The following SLC35D1 variants were observed in gnomAD, a reference collection of about 807,000 sequenced individuals.
SLC35D1 encodes the protein solute carrier family 35 member D1, also known as nucleotide sugar transporter SLC35D1.
Under a neutral mutation model 46.7 loss-of-function variants are expected in SLC35D1, and 31 were observed. The ratio of observed to expected loss-of-function variants is 0.66; its 90% CI spans 0.50 to 0.90. The LOEUF is 0.90. Among genes scored for constraint, SLC35D1 ranks in the 40% least tolerant of loss-of-function variants. The pLI, the probability that SLC35D1 is intolerant of heterozygous loss-of-function variation, is 0.00. For missense variants in SLC35D1, 397 were observed against 426.2 expected (o/e 0.93, Z 0.60); for synonymous variants, 195 against 164.6 (o/e 1.18, Z -1.41).
downstream of SLC35D1, among the ~76,000 whole-genome samples, chr1:66,996,060 C>T (rs1667235825): frequency 6.6e-6 from 1 of 152,206 alleles, no homozygotes; most frequent in African/African-American, 2.4e-5. Context: ...TGGACAAATT[C>T]CTTAGCCTGG....
At chr1:67,052,909 G>T in intron 2 of SLC35D1, 47 bp downstream of exon 2, 2 of 1,613,908 alleles carry the variant, frequency 1.2e-6, no homozygotes, top group Non-Finnish European at 1.7e-6. Flanking sequence ...GACACACACA[G>T]AAGTTCTAAC....
chr1:67,042,420 A>G (rs189216036), intron 7 of SLC35D1, 92 bp from the exon 8 acceptor site: 137 of 987,288 alleles, frequency 1.4e-4, no homozygotes, highest in Admixed American at 1.3e-3. Flanking sequence ...ACATAAATAC[A>G]CAAACACACA....
intron 10 of SLC35D1, among the ~76,000 whole-genome samples, chr1:67,010,895 A>G (rs893451301): frequency 7.6e-5 from 10 of 132,410 alleles, no homozygotes; most frequent in Non-Finnish European, 1.5e-4. Context: ...AGGGAAATTT[A>G]CATTTGTAGA....
chr1:67,051,883 G>A, intron 4 of SLC35D1, 129 bp downstream of exon 4: 1 of 666,504 alleles, frequency 1.5e-6, no homozygotes, highest in Non-Finnish European at 2.7e-6. Flanking sequence ...TTATTTAGTA[G>A]TAATAGAAGC....
intron 8 of SLC35D1, among the ~76,000 whole-genome samples, chr1:67,039,995 AT>A (rs11300562): frequency 0.15 from 20,827 of 139,946 alleles, 2,507 homozygotes; most frequent in African/African-American, 0.36. Context: ...TTACATCACA[AT>A]TTTTTTTTTT....
At chr1:67,021,461 G>T in intron 9 of SLC35D1, 74 bp downstream of exon 9, 1 of 1,473,966 alleles carries the variant, frequency 6.8e-7, no homozygotes. Flanking sequence ...AAGATATTGA[G>T]AAAAGAGGCA....
At chr1:66,977,428 G>GA in the SLC35D1 span, among the ~76,000 whole-genome samples, 4 of 151,200 alleles carry the variant, frequency 2.6e-5, no homozygotes, top group Non-Finnish European at 5.9e-5. Flanking sequence ...TTTTATAGAG[G>GA]AAAAAAAACA....
intron 8 of SLC35D1, among the ~76,000 whole-genome samples, chr1:67,031,621 A>C (rs1668019852): frequency 6.6e-6 from 1 of 152,158 alleles, no homozygotes; most frequent in African/African-American, 2.4e-5. Context: ...GTGGTTACCA[A>C]TCAGTGAGTC....
At chr1:66,993,144 G>A in the SLC35D1 span, among the ~76,000 whole-genome samples, 7 of 152,290 alleles carry the variant, frequency 4.6e-5, no homozygotes, top group African/African-American at 1.7e-4. Flanking sequence ...CTAGAAAAGA[G>A]AAATTCCCCC....
chr1:67,021,139 G>A (rs1324831499), intron 9 of SLC35D1, among the ~76,000 whole-genome samples: 1 of 152,130 alleles, frequency 6.6e-6, no homozygotes, highest in Non-Finnish European at 1.5e-5. Context: ...TCTCCTATGA[G>A]GAAGAAAACA....
At chr1:66,979,620 AT>A in the SLC35D1 span, among the ~76,000 whole-genome samples, 1 of 152,186 alleles carries the variant, frequency 6.6e-6, no homozygotes, top group South Asian at 2.1e-4. Flanking sequence ...GGTTTGTCTG[AT>A]TCTGCCCTTT....
At chr1:66,997,748 A>T (rs1667258132), downstream of SLC35D1, among the ~76,000 whole-genome samples, 1 of 146,712 alleles carries the variant, frequency 6.8e-6, no homozygotes, top group Non-Finnish European at 1.5e-5. Context: ...AAAGCTGTTA[A>T]ATATATATAT....
At chr1:67,025,839 C>G (rs1011064375) in intron 8 of SLC35D1, among the ~76,000 whole-genome samples, 8 of 152,148 alleles carry the variant, frequency 5.3e-5, no homozygotes, top group Non-Finnish European at 1.2e-4. Context: ...TTTTACTTAG[C>G]TTCCAAGTGT....
In SLC35D1 at chr1:67,021,722, CAG is replaced by C. The variant is rs58740910; in HGVS notation, c.730-122_730-121del. On this transcript the variant is annotated intron_variant, in intron 8 of 11. Transcript: ENST00000235345. The stretch of plus-strand genomic sequence containing the variant: ...ACAGACACAGACACAGACACAGACA[CAG>C]ACACACACACACACACACACACACA... The C allele has an allele frequency of 6.6e-3, 3,043 of 462,490 alleles. 6 individuals carry two copies. The highest frequency in any genetic ancestry group is 0.016 in the African/African-American group (333 of 21,070). The allele number at this position is 462,490 out of a possible 1,614,324, so 28.6% of individuals were successfully genotyped here. A position where few individuals can be genotyped will look rare whatever the true frequency, so the allele number is the denominator to read the frequency against.
chr1:67,012,003 G>A (rs1667575391), intron 10 of SLC35D1, among the ~76,000 whole-genome samples: 1 of 152,156 alleles, frequency 6.6e-6, no homozygotes, highest in South Asian at 2.1e-4. Flanking sequence ...GCCCTTGAAA[G>A]TTTGACTTCT....
chr1:67,031,935 AG>A (rs1214353732), intron 8 of SLC35D1: 3 of 497,306 alleles, frequency 6.0e-6, no homozygotes, highest in Non-Finnish European at 7.8e-6. Flanking sequence ...TTTGTTAATC[AG>A]GAAAAAAACA....
At chr1:67,011,242 G>C (rs1477069479) in intron 10 of SLC35D1, among the ~76,000 whole-genome samples, 1 of 152,054 alleles carries the variant, frequency 6.6e-6, no homozygotes, top group Non-Finnish European at 1.5e-5. Context: ...TCTTTTACTA[G>C]TCTGTCTTTT....
intron 10 of SLC35D1, among the ~76,000 whole-genome samples, chr1:67,020,126 CT>C (rs1325675227): frequency 6.6e-6 from 1 of 152,186 alleles, no homozygotes; most frequent in Non-Finnish European, 1.5e-5. Flanking sequence ...ATTCCTTCCT[CT>C]ATTCAGATAA....
the SLC35D1 span, chr1:66,976,485 T>C: frequency 2.1e-6 from 2 of 932,696 alleles, no homozygotes; most frequent in Non-Finnish European, 3.2e-6. Flanking sequence ...ATATATAGGA[T>C]TATATTTCAG....
Sources: allele counts gnomAD v4.1 joint callset (sites outside exome capture counted in the v4.1 genomes callset), GRCh38; gene constraint gnomAD v4.1.1; transcripts MANE v1.5; gene names NCBI Gene and HGNC (gene_info 2026-07-23, HGNC 2026-07-21).